Variants in REL observed in about 807,000 individuals in gnomAD.
REL encodes the protein proto-oncogene c-Rel.
REL carries 15 observed loss-of-function variants against 45.9 expected under a neutral mutation model. The observed-to-expected ratio is 0.33, with a 90% confidence interval of 0.22 to 0.50. The LOEUF (loss-of-function observed/expected upper bound fraction) is 0.50, where lower values mean the gene tolerates loss of function less well. Ranked by LOEUF, REL falls within the 20% of genes least tolerant of loss-of-function variation. The probability of loss-of-function intolerance (pLI) is 0.98; values close to 1 mark genes in which losing one functional copy is unlikely to be tolerated. For synonymous variants in REL, 239 were observed against 242.1 expected, an observed-to-expected ratio of 0.99 and a Z score of 0.12; for missense variants, 601 against 715.2, an observed-to-expected ratio of 0.84 and a Z score of 1.82.
At chr2:60,882,591 C>T (rs568871469) in intron 1 of REL, among the ~76,000 whole-genome samples, 2 of 152,090 alleles carry the variant, frequency 1.3e-5, no homozygotes, top group South Asian at 4.2e-4. Context: ...AGGAGAATCG[C>T]TTGAACCTGG....
In REL at chr2:60,929,018, A is replaced by C. The variant is rs1445846519; in HGVS notation, c.*6483A>C. ...ATCAAAAAGTGGGCGAAGGACATGA[A>C]CAGACACTTCTCAAAAGAAGACATT... On this transcript the variant is annotated 3_prime_UTR_variant, in exon 10 of 10. Coordinates refer to ENST00000394479, the MANE Select transcript of REL (RefSeq NM_001291746.2). 6.7e-6 allele frequency: 1 copy of C among 149,440 alleles called. No individual in the cohort carries two copies. The highest frequency in any genetic ancestry group is 2.1e-4 in the South Asian group (1 of 4,764). 9.3% of individuals were successfully genotyped at this position (149,440 alleles called of 1,614,324 possible). A position where few individuals can be genotyped will look rare whatever the true frequency, so the allele number is the denominator to read the frequency against.
chr2:60,897,304 TTTTTTTTTTTCC>T (rs1432449592), intron 3 of REL, among the ~76,000 whole-genome samples: 4 of 88,516 alleles, frequency 4.5e-5, no homozygotes, highest in Non-Finnish European at 7.8e-5. Context: ...TTCTTTTTTC[TTTTTTTTTTTCC>T]TTTTTTTTTG....
At chr2:60,891,660 C>T (rs1649531021) in intron 1 of REL, 23 bp from the exon 2 acceptor site, 1 of 1,577,122 alleles carries the variant, frequency 6.3e-7, no homozygotes, top group Non-Finnish European at 8.6e-7. Flanking sequence ...TCACTGACCT[C>T]CTCCTTTTTA....
intron 8 of REL, 36 bp downstream of exon 8, chr2:60,920,145 G>T (rs1407992916): frequency 1.4e-6 from 2 of 1,404,496 alleles, no homozygotes; most frequent in Non-Finnish European, 2.0e-6. Flanking sequence ...ATTTAAATAG[G>T]TTTTGTTTTA....
intron 3 of REL, among the ~76,000 whole-genome samples, chr2:60,895,183 TTATTA>T (rs1435021719): frequency 5.3e-5 from 8 of 151,286 alleles, no homozygotes; most frequent in Non-Finnish European, 8.8e-5. Context: ...TATAGTTAAC[TTATTA>T]TTATTATTAT....
chr2:60,896,586 AT>A (rs1212949478), intron 3 of REL, among the ~76,000 whole-genome samples: 22 of 152,336 alleles, frequency 1.4e-4, no homozygotes, highest in Admixed American at 3.3e-4. Flanking sequence ...TTAGAAAAAA[AT>A]ACTTTAAATG....
rs75973210 is a variant in REL, at chr2:60,912,416, A to T, written c.395-4461A>T. 3.3e-3 allele frequency among the ~76,000 whole-genome samples: 500 copies of T among 152,242 alleles called. 6 individuals carry two copies. The highest frequency in any genetic ancestry group is 0.012 in the African/African-American group (479 of 41,526). The stretch of plus-strand genomic sequence containing the variant: ...CTGCCGTAGAAACTTAACTCTTATT[A>T]ATATTGATTAGCCTATGGTAAAATT... On this transcript the variant is annotated intron_variant, in intron 4 of 9. Transcript: ENST00000394479.
At chr2:60,919,999 CCTATAATTTTTTAT>C (rs1454130832) in intron 7 of REL, 28 bp from the exon 8 acceptor site, 5 of 1,278,492 alleles carry the variant, frequency 3.9e-6, no homozygotes, top group Non-Finnish European at 5.6e-6. Flanking sequence ...AGGATACAAT[CCTATAATTTTTTAT>C]CTGCTTTCCT....
In REL at chr2:60,881,665, G is replaced by A. The variant is rs923029551; in HGVS notation, c.-176G>A. The A allele has an allele frequency of 3.7e-6, 2 of 542,606 alleles. No homozygotes were observed. The highest frequency in any genetic ancestry group is 6.5e-6 in the Non-Finnish European group (2 of 307,186). The allele number at this position is 542,606 out of a possible 1,614,324, so 33.6% of individuals were successfully genotyped here. ...CCGGGGTGCAAGAATTCAGGGGTTGGGAAGGTGTGAGCCGCAAACCCAGCG... is the reference window on the plus strand; with the variant it reads ...CCGGGGTGCAAGAATTCAGGGGTTGAGAAGGTGTGAGCCGCAAACCCAGCG... On this transcript the variant is annotated 5_prime_UTR_variant, in exon 1 of 10. Transcript: ENST00000394479.
intron 3 of REL, among the ~76,000 whole-genome samples, chr2:60,894,917 C>T (rs1279775558): frequency 1.1e-4 from 15 of 137,562 alleles, no homozygotes; most frequent in East Asian, 2.1e-4. Flanking sequence ...AGTGCAATGG[C>T]GCAATCTCGG....
chr2:60,903,983 A>G (rs1308122884), intron 4 of REL, among the ~76,000 whole-genome samples: 1 of 152,198 alleles, frequency 6.6e-6, no homozygotes, highest in Non-Finnish European at 1.5e-5. Flanking sequence ...TGATATTAAT[A>G]GTGAATTCTC....
chr2:60,906,925 T>TTTTTTTTTC (rs1379444628), intron 4 of REL, among the ~76,000 whole-genome samples: 2 of 144,850 alleles, frequency 1.4e-5, no homozygotes, highest in African/African-American at 5.1e-5. Context: ...TTTTTTTTTT[T>TTTTTTTTTC]TTTTCTTTTC....
chr2:60,903,407 T>G (rs1285178735), intron 4 of REL, among the ~76,000 whole-genome samples: 1 of 152,202 alleles, frequency 6.6e-6, no homozygotes, highest in Non-Finnish European at 1.5e-5. Context: ...GCTTGTTTTT[T>G]GAGATGCCCG....
At chr2:60,893,305 A>G (rs1222946880) in intron 2 of REL, among the ~76,000 whole-genome samples, 8 of 152,218 alleles carry the variant, frequency 5.3e-5, no homozygotes, top group Non-Finnish European at 1.2e-4. Context: ...GAATAAACCA[A>G]TGGCAAAATT....
Position 60,881,766 on chromosome 2 carries a change from C to A in REL, c.-75C>A. 1 of 1,434,700 alleles carries A rather than the reference C, an allele frequency of 7.0e-7. No individual in the cohort carries two copies. Among genetic ancestry groups the A allele is most frequent in the East Asian group, 2.7e-5 (1 of 37,252 alleles). The allele number at this position is 1,434,700 out of a possible 1,614,324, so 88.9% of individuals were successfully genotyped here. Reference sequence around the variant, plus strand: ...CCCGCCGGCAGAGGTCCCTCGGCCTCCTGACTGACTGACTGCGGCCGCCTC... The same window carrying A: ...CCCGCCGGCAGAGGTCCCTCGGCCTACTGACTGACTGACTGCGGCCGCCTC... On this transcript the variant is annotated 5_prime_UTR_variant, in exon 1 of 10. Transcript: ENST00000394479.
At chr2:60,899,760 G>C (rs1673446967) in intron 3 of REL, 1 of 152,284 alleles carries the variant, frequency 6.6e-6, no homozygotes, top group African/African-American at 2.4e-5. Context: ...AGTATGACTG[G>C]TGGTGGTGGG....
intron 1 of REL, among the ~76,000 whole-genome samples, chr2:60,885,550 T>C (rs1673051835): frequency 6.6e-6 from 1 of 152,214 alleles, no homozygotes; most frequent in African/African-American, 2.4e-5. Flanking sequence ...CTTTCTTTGA[T>C]TCTTAAGGCC....
intron 3 of REL, among the ~76,000 whole-genome samples, chr2:60,896,110 C>T (rs2103936794): frequency 6.6e-6 from 1 of 151,876 alleles, no homozygotes; most frequent in East Asian, 1.9e-4. Context: ...TCAAGTGATT[C>T]TCCTGCCTCA....
intron 3 of REL, among the ~76,000 whole-genome samples, chr2:60,894,768 T>C (rs1270716270): frequency 6.6e-6 from 1 of 152,174 alleles, no homozygotes; most frequent in African/African-American, 2.4e-5. Flanking sequence ...TTTTTATTGT[T>C]ATTAAAAGTA....
Sources: gnomAD v4.1 joint callset for allele counts (sites outside exome capture counted in the v4.1 genomes callset) on GRCh38, gnomAD v4.1.1 for gene constraint, MANE v1.5 for transcripts, NCBI Gene and HGNC (gene_info 2026-07-23, HGNC 2026-07-21) for gene names.